ASMTL: variants seen among roughly 807,000 people sequenced by gnomAD.
ASMTL encodes acetylserotonin O-methyltransferase like.
A neutral mutation model predicts 60.3 loss-of-function variants in ASMTL; 57 were observed. The ratio of observed to expected loss-of-function variants is 0.95; its 90% CI spans 0.76 to 1.18. ASMTL has a LOEUF of 1.18. Among genes scored for constraint, ASMTL ranks in the 50% most tolerant of loss-of-function variants. The pLI is 0.00. For synonymous variants in ASMTL, 419 were observed against 373.0 expected (o/e 1.12, Z -1.42); for missense variants, 981 against 852.6 (o/e 1.15, Z -1.88).
intron 6 of ASMTL, among the ~76,000 whole-genome samples, chrX:1,428,622 G>A (rs1475225841): frequency 1.1e-4 from 10 of 91,582 alleles, no homozygotes; most frequent in Admixed American, 2.6e-4. Flanking sequence ...ACTCCAGCCT[G>A]GGCGGCAGAG....
In ASMTL at chrX:1,403,545, C is replaced by T. The variant is rs763430014; in HGVS notation, c.1646-56G>A. 9.4e-5 allele frequency: 142 copies of T among 1,516,118 alleles called. No individual in the cohort carries two copies. In the African/African-American group the frequency reaches 1.5e-3, roughly 16 times the overall value. 93.9% of individuals were successfully genotyped at this position (1,516,118 alleles called of 1,614,324 possible). A position where few individuals can be genotyped will look rare whatever the true frequency, so the allele number is the denominator to read the frequency against. On this transcript the variant is annotated intron_variant, in intron 12 of 12. Transcript: ENST00000381317. ...GGCCAGCCAGGCGGGGATCCTTCAGCAGGACACAGGGGACACAGCAGGCAA... is the reference window on the plus strand; with the variant it reads ...GGCCAGCCAGGCGGGGATCCTTCAGTAGGACACAGGGGACACAGCAGGCAA...
Position 1,421,693 on chromosome X carries a change from T to C in ASMTL, c.1210A>G (p.Arg404Gly). The change falls in exon 9 of 13, where the codon AGG becomes GGG. Residue 404 changes from arginine (R) to glycine (G), a missense_variant. By Grantham distance (125) the Arg-to-Gly change is moderately radical. Coordinates refer to ENST00000381317, the MANE Select transcript of ASMTL (RefSeq NM_004192.4). Reference protein sequence around the residue: ...AIREGTNQHHRALGKKAEDLF... With the variant: ...AIREGTNQHHGALGKKAEDLF... ...TCTTCCGCCTTCTTCCCCAACGCCC[T>C]GTGGTGCTGGTTTGTTCCCTCTCGG... 1 of 1,613,916 alleles carries C rather than the reference T, an allele frequency of 6.2e-7. No individual in the cohort carries two copies. Among genetic ancestry groups the C allele is most frequent in the Non-Finnish European group, 8.5e-7 (1 of 1,179,848 alleles).
chrX:1,452,688 C>A, intron 1 of ASMTL, 60 bp downstream of exon 1: 1 of 1,414,180 alleles, frequency 7.1e-7, no homozygotes, highest in Non-Finnish European at 9.6e-7. Context: ...AGTCGCTGGG[C>A]CCTCCGGGGT....
chrX:1,449,603 C>T (rs1416074566), intron 1 of ASMTL, among the ~76,000 whole-genome samples: 3 of 151,852 alleles, frequency 2.0e-5, no homozygotes, highest in Non-Finnish European at 4.4e-5. Flanking sequence ...CTACCATCAC[C>T]AGTAACTTCT....
rs60076514 is a variant in ASMTL, at chrX:1,425,098, A to G, written c.1060+427T>C. Among the ~76,000 whole-genome samples the G allele has an allele frequency of 3.5e-3, 530 of 152,106 alleles. 23 individuals are homozygous for G. The East Asian group carries it at 0.094, about 27-fold the overall frequency. On this transcript the variant is annotated intron_variant, in intron 8 of 12. Transcript: ENST00000381317. ...CATTTATATATCAACTCTACCCATC[A>G]TCTATGTATCTGTCATCTCTCTATC...
At chrX:1,411,508 C>A (rs2090019454) in intron 12 of ASMTL, among the ~76,000 whole-genome samples, 2 of 150,698 alleles carry the variant, frequency 1.3e-5, no homozygotes, top group Non-Finnish European at 1.5e-5. Flanking sequence ...CCACTGGGCT[C>A]CAGGAGCAGC....
intron 1 of ASMTL, among the ~76,000 whole-genome samples, chrX:1,447,618 C>T (rs1231459633): frequency 6.6e-6 from 1 of 151,650 alleles, no homozygotes; most frequent in Non-Finnish European, 1.5e-5. Flanking sequence ...ACACCGCCAT[C>T]TTGGATAAGC....
intron 5 of ASMTL, among the ~76,000 whole-genome samples, chrX:1,433,911 C>T (rs1409078151): frequency 5.4e-4 from 82 of 152,230 alleles, no homozygotes; most frequent in African/African-American, 1.5e-3. Flanking sequence ...GTGAGCCCCT[C>T]GAGCAAATGA....
At position 1,419,128 on chromosome X, in the gene ASMTL, G is replaced by A. The variant is rs781216330; in HGVS notation, c.1246-14C>T. On this transcript the variant is annotated splice_polypyrimidine_tract_variant and intron_variant, in intron 9 of 12. Coordinates refer to ENST00000381317, the MANE Select transcript of ASMTL (RefSeq NM_004192.4). Reference sequence around the variant, plus strand: ...GTAGTACGCATCCTGGAACACAGCAGGTGCTTAGGGGCACCAGAGAACACG... The same window carrying A: ...GTAGTACGCATCCTGGAACACAGCAAGTGCTTAGGGGCACCAGAGAACACG... 1 of 1,610,084 alleles carries A rather than the reference G, an allele frequency of 6.2e-7. No individual in the cohort carries two copies. The highest frequency in any genetic ancestry group is 1.3e-5 in the African/African-American group (1 of 74,846).
In ASMTL at chrX:1,418,998, G is replaced by A. The variant is rs370708214; in HGVS notation, c.1362C>T (p.Ser454=). The A allele has an allele frequency of 7.0e-5, 113 of 1,611,648 alleles. No individual in the cohort carries two copies. The highest frequency in any genetic ancestry group is 1.4e-4 in the South Asian group (13 of 90,976). ...GCCACCCACCTCCCACGTCGCAGGC[G>A]GAGGAGAAGCGGGACAGATTGAAGG... The part of the protein sequence containing the change: ...ATAFNLSRFS[S]ACDVGGCTGA... The change falls in exon 10 of 13, where the codon TCC becomes TCT. Residue 454 remains serine, a synonymous_variant. Coordinates refer to ENST00000381317, the MANE Select transcript of ASMTL (RefSeq NM_004192.4).
intron 1 of ASMTL, among the ~76,000 whole-genome samples, chrX:1,450,684 AG>A (rs1401244493): frequency 8.5e-5 from 9 of 105,384 alleles, no homozygotes; most frequent in African/African-American, 1.1e-4. Flanking sequence ...CCCCATCCCT[AG>A]GGGGTTCCGG....
intron 1 of ASMTL, among the ~76,000 whole-genome samples, chrX:1,450,567 T>C (rs1175918308): frequency 1.2e-4 from 6 of 49,192 alleles, no homozygotes; most frequent in African/African-American, 3.6e-4. Context: ...CACTCTCCCC[T>C]CCCCCATCCC....
intron 6 of ASMTL, among the ~76,000 whole-genome samples, chrX:1,431,330 TATAA>T (rs1333013567): frequency 5.6e-4 from 74 of 131,758 alleles, no homozygotes; most frequent in African/African-American, 1.9e-3. Flanking sequence ...TATATATAAT[TATAA>T]ATAATTATAA....
intron 1 of ASMTL, among the ~76,000 whole-genome samples, chrX:1,446,203 C>T (rs1205579729): frequency 2.6e-5 from 4 of 152,164 alleles, no homozygotes; most frequent in Admixed American, 1.3e-4. Flanking sequence ...TCTGCCTCGG[C>T]GGCCAGGCAG....
chrX:1,440,414 G>A lies in ASMTL; in HGVS notation c.226-1270C>T, dbSNP rs145209871. ...CCCGAATGTATTTCTTATATTAACA[G>A]TAATGGTATATTGTGTGGTAACACA... On this transcript the variant is annotated intron_variant, in intron 2 of 12. Transcript: ENST00000381317. Among the ~76,000 whole-genome samples, 162 of 152,236 alleles carry A rather than the reference G, an allele frequency of 1.1e-3. 1 individual carries two copies. Among genetic ancestry groups the A allele is most frequent in the African/African-American group, 3.7e-3 (152 of 41,558 alleles).
intron 11 of ASMTL, among the ~76,000 whole-genome samples, chrX:1,416,322 C>T: frequency 2.4e-5 from 1 of 42,386 alleles, no homozygotes; most frequent in East Asian, 1.1e-3. Flanking sequence ...CAGCTGGACA[C>T]ACACACACAC....
intron 6 of ASMTL, among the ~76,000 whole-genome samples, chrX:1,431,684 T>C (rs2090793993): frequency 6.8e-6 from 1 of 146,076 alleles, no homozygotes; most frequent in African/African-American, 2.5e-5. Flanking sequence ...TAATAGAATA[T>C]ATAATGTGGA....
chrX:1,423,167 T>A (rs2090524760), intron 8 of ASMTL, among the ~76,000 whole-genome samples: 1 of 152,156 alleles, frequency 6.6e-6, no homozygotes, highest in South Asian at 2.1e-4. Context: ...TTAGCCAGGA[T>A]GGTCTTGATC....
intron 5 of ASMTL, among the ~76,000 whole-genome samples, chrX:1,432,816 G>C (rs184907609): frequency 1.4e-5 from 2 of 146,384 alleles, no homozygotes; most frequent in Non-Finnish European, 3.1e-5. Flanking sequence ...GCCACAGAGC[G>C]AGACTCCGTC....
Sources: gnomAD v4.1 joint callset for allele counts (sites outside exome capture counted in the v4.1 genomes callset) on GRCh38, gnomAD v4.1.1 for gene constraint, MANE v1.5 for transcripts, NCBI Gene and HGNC (gene_info 2026-07-23, HGNC 2026-07-21) for gene names.